Variants in UBOX5 observed in about 807,000 individuals in gnomAD.
UBOX5 encodes the protein RING finger protein 37.
A neutral mutation model predicts 39.0 loss-of-function variants in UBOX5; 28 were observed. The observed-to-expected ratio is 0.72, with a 90% CI of 0.53 to 0.98. The LOEUF is 0.98. UBOX5 is among the 50% of genes least tolerant of loss of function. The pLI is 0.00. For synonymous variants in UBOX5, 283 were observed against 275.5 expected (o/e 1.03, Z -0.27); for missense variants, 585 against 674.4 (o/e 0.87, Z 1.47).
intron 1 of UBOX5, among the ~76,000 whole-genome samples, chr20:3,140,481 C>T (rs1251318052): frequency 1.3e-5 from 2 of 152,136 alleles, no homozygotes; most frequent in African/African-American, 2.4e-5. Context: ...TCTACGGGAA[C>T]CCAGGTGAGG....
At chr20:3,126,273 G>A (rs1273430447) in intron 1 of UBOX5, among the ~76,000 whole-genome samples, 3 of 152,092 alleles carry the variant, frequency 2.0e-5, no homozygotes, top group Non-Finnish European at 4.4e-5. Flanking sequence ...TAAGGGCGGT[G>A]CAAGATGTGC....
intron 1 of UBOX5, among the ~76,000 whole-genome samples, chr20:3,146,114 G>A (rs1401400034): frequency 6.6e-6 from 1 of 151,944 alleles, no homozygotes; most frequent in Non-Finnish European, 1.5e-5. Flanking sequence ...GCCAAGGCAG[G>A]CGGATCACCG....
At chr20:3,158,007 G>A (rs1052556246) in intron 1 of UBOX5, among the ~76,000 whole-genome samples, 43 of 151,874 alleles carry the variant, frequency 2.8e-4, no homozygotes, top group African/African-American at 1.0e-3. Context: ...CTCTCACCCC[G>A]GCAACCTCCC....
intron 1 of UBOX5, among the ~76,000 whole-genome samples, chr20:3,128,603 TATAATCCGA>T (rs1201710567): frequency 6.6e-6 from 1 of 152,092 alleles, no homozygotes; most frequent in Non-Finnish European, 1.5e-5. Flanking sequence ...GGCTCACACC[TATAATCCGA>T]ACACTTTAGG....
At chr20:3,143,685 C>T (rs1354597712) in intron 1 of UBOX5, among the ~76,000 whole-genome samples, 1 of 152,148 alleles carries the variant, frequency 6.6e-6, no homozygotes, top group Non-Finnish European at 1.5e-5. Context: ...ATCCCAGCTA[C>T]TCGGGAGGCT....
chr20:3,115,510 G>T, intron 3 of UBOX5, 44 bp from the exon 4 acceptor site: 1 of 1,559,880 alleles, frequency 6.4e-7, no homozygotes, highest in South Asian at 1.2e-5. Flanking sequence ...GACAGGCTCC[G>T]CAAAAGAGAA....
chr20:3,118,716 G>A (rs2066312030), intron 3 of UBOX5, among the ~76,000 whole-genome samples: 1 of 152,012 alleles, frequency 6.6e-6, no homozygotes, highest in Admixed American at 6.6e-5. Flanking sequence ...AGCTGGCAGT[G>A]AGCCAAGATC....
At position 3,159,761 on chromosome 20, in the gene UBOX5, C is replaced by T. The variant is rs2122143412; in HGVS notation, c.-42+5G>A. The T allele has an allele frequency of 6.6e-6, 1 of 152,498 alleles. No individual in the cohort carries two copies. Among genetic ancestry groups the T allele is most frequent in the African/African-American group, 2.4e-5 (1 of 41,598 alleles). 9.4% of individuals were successfully genotyped at this position (152,498 alleles called of 1,614,324 possible). ...GCGACCTCCTCCCCGGCCGCCGCCA[C>T]TCACCTGATCCTCCCGAAGGTGGGC... On this transcript the variant is annotated splice_donor_5th_base_variant and intron_variant, in intron 1 of 4. Coordinates refer to ENST00000217173, the MANE Select transcript of UBOX5 (RefSeq NM_014948.4).
intron 1 of UBOX5, among the ~76,000 whole-genome samples, chr20:3,124,460 T>C (rs1043590002): frequency 6.6e-6 from 1 of 152,170 alleles, no homozygotes; most frequent in Non-Finnish European, 1.5e-5. Flanking sequence ...AGTGGCGTGA[T>C]CTCGGCTCGC....
In UBOX5 at chr20:3,121,553, C is replaced by G; in HGVS notation, c.1086G>C (p.Gln362His). Reference protein sequence around the residue: ...VIPSSIVLPSQKRKIEQAEHV... With the variant: ...VIPSSIVLPSHKRKIEQAEHV... The stretch of plus-strand genomic sequence containing the variant: ...GTTCAGCCTGCTCTATCTTCCTTTT[C>G]TGAGAGGGCAGAACAATGGAAGAAG... Residue 362 changes from glutamine (Q) to histidine (H), a missense_variant, in exon 3 of 5, where the codon CAG (glutamine) becomes CAC (histidine). By Grantham distance (24) the Gln-to-His change is conservative. Coordinates refer to ENST00000217173, the MANE Select transcript of UBOX5 (RefSeq NM_014948.4). The G allele has an allele frequency of 6.2e-7, 1 of 1,610,342 alleles. No homozygotes were observed. The highest frequency in any genetic ancestry group is 8.5e-7 in the Non-Finnish European group (1 of 1,178,178).
chr20:3,122,108 G>A lies in UBOX5; in HGVS notation c.531C>T (p.Ile177=), dbSNP rs371115884. 1.5e-5 allele frequency: 24 copies of A among 1,614,136 alleles called. No homozygotes were observed. Among genetic ancestry groups the A allele is most frequent in the Non-Finnish European group, 1.9e-5 (22 of 1,180,054 alleles). Residue 177 remains isoleucine (I), a synonymous_variant, in exon 3 of 5, where the codon ATC becomes ATT. Transcript: ENST00000217173. ...GGATACCGCCGCCTGTCACATGGGT[G>A]ATACAGATCCTTAAGTGGGCCACGT... ...LSHVAHLRIC[I]THVTGGGIPC...
At chr20:3,142,493 A>T (rs748837968) in intron 1 of UBOX5, among the ~76,000 whole-genome samples, 2 of 151,478 alleles carry the variant, frequency 1.3e-5, no homozygotes, top group African/African-American at 2.4e-5. Context: ...AATCCTAGCT[A>T]CTATGGAGGC....
At chr20:3,142,560 T>C (rs2066525993) in intron 1 of UBOX5, among the ~76,000 whole-genome samples, 1 of 143,750 alleles carries the variant, frequency 7.0e-6, no homozygotes, top group Non-Finnish European at 1.5e-5. Flanking sequence ...GCTGAGATCG[T>C]GCTACTACAC....
chr20:3,155,070 A>G (rs866106605), intron 1 of UBOX5, among the ~76,000 whole-genome samples: 15 of 147,682 alleles, frequency 1.0e-4, no homozygotes, highest in Admixed American at 6.0e-4. Context: ...AAAAAAAAAA[A>G]AAGAAAAGAA....
At chr20:3,118,616 A>T (rs186885459) in intron 3 of UBOX5, among the ~76,000 whole-genome samples, 8 of 152,120 alleles carry the variant, frequency 5.3e-5, no homozygotes, top group African/African-American at 1.4e-4. Flanking sequence ...TAAAAGTATT[A>T]AAAAAATTAG....
intron 1 of UBOX5, among the ~76,000 whole-genome samples, chr20:3,152,136 A>G (rs1190701891): frequency 6.6e-6 from 1 of 150,440 alleles, no homozygotes; most frequent in African/African-American, 2.5e-5. Context: ...CCAAAAAAAC[A>G]GAGATAGCAG....
At position 3,158,150 on chromosome 20, in the gene UBOX5, G is replaced by T. The variant is rs148329264; in HGVS notation, c.-42+1616C>A. ...GTTTTTTTTGTTTTTTGTTTTTTTC[G>T]TAGAGACAGAGTTTCCCTATGTTGC... On this transcript the variant is annotated intron_variant, in intron 1 of 4. Coordinates refer to ENST00000217173, the MANE Select transcript of UBOX5 (RefSeq NM_014948.4). Among the ~76,000 whole-genome samples, 12 of 151,424 alleles carry T rather than the reference G, an allele frequency of 7.9e-5. No homozygotes were observed. In the East Asian group the frequency reaches 2.1e-3, roughly 27 times the overall value.
intron 1 of UBOX5, 73 bp from the exon 2 acceptor site, chr20:3,123,479 A>C: frequency 8.9e-7 from 1 of 1,121,198 alleles, no homozygotes; most frequent in Non-Finnish European, 1.3e-6. Context: ...TTGATTCTTA[A>C]GAGAATCAAA....
Position 3,132,978 on chromosome 20 carries a change from T to A in UBOX5, c.-41-9572A>T, listed in dbSNP as rs374721252. Among the ~76,000 whole-genome samples the A allele has an allele frequency of 1.5e-4, 23 of 151,516 alleles. No homozygotes were observed. The East Asian group carries it at 4.1e-3, about 27-fold the overall frequency. ...CTCTACAAAAAAAAAAATTAAATAA[T>A]TAATAATAATAAAGAATGATTGGGG... On this transcript the variant is annotated intron_variant, in intron 1 of 4. Transcript: ENST00000217173.
Sources: gnomAD v4.1 joint callset for allele counts (sites outside exome capture counted in the v4.1 genomes callset) on GRCh38, gnomAD v4.1.1 for gene constraint, MANE v1.5 for transcripts, NCBI Gene and HGNC (gene_info 2026-07-23, HGNC 2026-07-21) for gene names.